The following ZPBP variants were observed in gnomAD, a reference collection of about 807,000 sequenced individuals.
ZPBP encodes the protein zona pellucida binding protein.
Under a neutral mutation model 44.8 loss-of-function variants are expected in ZPBP, and 26 were observed. That is an observed-to-expected ratio of 0.58 (90% CI 0.43 to 0.81). The LOEUF (loss-of-function observed/expected upper bound fraction) is 0.81. Among genes scored for constraint, ZPBP ranks in the 30% least tolerant of loss-of-function variants. ZPBP has a pLI of 0.00. For missense variants in ZPBP, 409 were observed against 434.0 expected (o/e 0.94, Z 0.51); for synonymous variants, 174 against 153.2 (o/e 1.14, Z -1.00).
Position 50,058,245 on chromosome 7 carries a change from A to G in ZPBP, c.335-104T>C, listed in dbSNP as rs1584138862. 4 of 1,237,280 alleles carry G rather than the reference A, an allele frequency of 3.2e-6. No homozygotes were observed. The East Asian group carries it at 7.1e-5, about 22-fold the overall frequency. 76.6% of individuals were successfully genotyped at this position (1,237,280 alleles called of 1,614,324 possible). A position where few individuals can be genotyped will look rare whatever the true frequency, so the allele number is the denominator to read the frequency against. ...CCATCATAATTTACCAACACAGTCA[A>G]TGAAAGGAGTGGGGGGCATAGCTAG... On this transcript the variant is annotated intron_variant, in intron 3 of 7. Transcript: ENST00000046087.
the ZPBP span, among the ~76,000 whole-genome samples, chr7:49,842,288 A>T: frequency 6.6e-6 from 1 of 152,210 alleles, no homozygotes; most frequent in African/African-American, 2.4e-5. Context: ...CTCATGAGAG[A>T]TGTTATCATT....
At chr7:49,867,132 C>T (rs568413517) in intron 2 of ZPBP, among the ~76,000 whole-genome samples, 2 of 152,258 alleles carry the variant, frequency 1.3e-5, no homozygotes, top group East Asian at 3.9e-4. Flanking sequence ...GGGAGCCTCT[C>T]GAGAGAACAA....
chr7:49,883,870 C>G (rs548916233), intron 2 of ZPBP, among the ~76,000 whole-genome samples: 1 of 152,280 alleles, frequency 6.6e-6, no homozygotes, highest in African/African-American at 2.4e-5. Context: ...ATAAAGAAAA[C>G]AAGTATTCAA....
At chr7:49,864,218 T>C (rs1790788476) in intron 2 of ZPBP, among the ~76,000 whole-genome samples, 1 of 152,190 alleles carries the variant, frequency 6.6e-6, no homozygotes, top group Non-Finnish European at 1.5e-5. Flanking sequence ...TCCAAAGGTT[T>C]CCTTGAATAT....
chr7:49,935,836 T>C (rs368605474), downstream of ZPBP: 7 of 152,258 alleles, frequency 4.6e-5, no homozygotes, highest in Non-Finnish European at 8.8e-5. Context: ...CCCACTCCTG[T>C]TGTTCATCTC....
At position 50,006,599 on chromosome 7, in the gene ZPBP, C is replaced by A. The variant is rs543516959; in HGVS notation, c.783+11641G>T. 6.1e-4 allele frequency among the ~76,000 whole-genome samples: 92 copies of A among 152,046 alleles called. 2 individuals are homozygous for A. In the South Asian group the frequency reaches 0.018, roughly 30 times the overall value. On this transcript the variant is annotated intron_variant, in intron 6 of 7. Coordinates refer to ENST00000046087, the MANE Select transcript of ZPBP (RefSeq NM_007009.3). ...GGAAACTTATAGCTATAAATGCTTA[C>A]ACAAGGAATAAACATTTCAAATCAA...
chr7:50,016,413 T>A (rs1226538194), intron 6 of ZPBP, among the ~76,000 whole-genome samples: 1 of 151,738 alleles, frequency 6.6e-6, no homozygotes, highest in Non-Finnish European at 1.5e-5. Flanking sequence ...TACTTGAGGG[T>A]GGAAGGTGAG....
At chr7:49,924,415 A>G (rs1053888952) in intron 1 of ZPBP, among the ~76,000 whole-genome samples, 27 of 152,332 alleles carry the variant, frequency 1.8e-4, no homozygotes, top group Middle Eastern at 3.4e-3. Flanking sequence ...TCTGAGCTAT[A>G]AAGTTTCATT....
intron 2 of ZPBP, among the ~76,000 whole-genome samples, chr7:49,861,474 T>G (rs575042135): frequency 6.6e-6 from 1 of 152,218 alleles, no homozygotes; most frequent in Non-Finnish European, 1.5e-5. Context: ...TATCCCATTA[T>G]GCAGGTGAGT....
At chr7:49,957,481 TG>T (rs1272835896) in intron 7 of ZPBP, among the ~76,000 whole-genome samples, 1 of 152,154 alleles carries the variant, frequency 6.6e-6, no homozygotes, top group African/African-American at 2.4e-5. Flanking sequence ...CCCTGCATTC[TG>T]GCACAGGGCT....
chr7:50,038,301 T>C (rs1799911350), intron 4 of ZPBP, among the ~76,000 whole-genome samples: 1 of 152,174 alleles, frequency 6.6e-6, no homozygotes, highest in Admixed American at 6.5e-5. Flanking sequence ...TGCGTGTAAG[T>C]GTAGACAAGC....
At chr7:49,867,251 G>A (rs1323500274) in intron 2 of ZPBP, among the ~76,000 whole-genome samples, 1 of 152,122 alleles carries the variant, frequency 6.6e-6, no homozygotes, top group Non-Finnish European at 1.5e-5. Flanking sequence ...ATATGATATT[G>A]ACCAAACTAT....
intron 6 of ZPBP, among the ~76,000 whole-genome samples, chr7:49,998,208 G>A (rs55997144): frequency 0.076 from 11,592 of 152,236 alleles, 627 homozygotes; most frequent in Non-Finnish European, 0.12. Flanking sequence ...GAACCACCAC[G>A]CCCAGCCTAA....
chr7:50,070,716 T>C (rs545856449), intron 3 of ZPBP, among the ~76,000 whole-genome samples: 4 of 152,310 alleles, frequency 2.6e-5, no homozygotes, highest in East Asian at 1.9e-4. Flanking sequence ...AGTTACCTTT[T>C]AAGCATTTTG....
At chr7:50,025,287 T>C (rs1799272731) in intron 5 of ZPBP, among the ~76,000 whole-genome samples, 1 of 151,842 alleles carries the variant, frequency 6.6e-6, no homozygotes, top group South Asian at 2.1e-4. Context: ...TACAAACTGA[T>C]TCTAAAATTT....
rs181153470 is a variant in ZPBP, at chr7:49,874,109, G to A, written n.510-23595C>T. Among the ~76,000 whole-genome samples the A allele has an allele frequency of 4.6e-5, 7 of 152,174 alleles. No homozygotes were observed. In the East Asian group the frequency reaches 1.2e-3, roughly 25 times the overall value. On this transcript the variant is annotated intron_variant and non_coding_transcript_variant, in intron 2 of 2. Transcript: ENST00000465922. ...GTAAGGACGGGACTGGAGTTGGTGGGCAAAGGATGCCCTTGCTCTATGTGT... is the reference window on the plus strand; with the variant it reads ...GTAAGGACGGGACTGGAGTTGGTGGACAAAGGATGCCCTTGCTCTATGTGT...
intron 3 of ZPBP, among the ~76,000 whole-genome samples, chr7:50,070,196 T>C (rs1016102532): frequency 2.6e-5 from 4 of 152,154 alleles, no homozygotes; most frequent in African/African-American, 9.7e-5. Flanking sequence ...CCAGATCCAG[T>C]GAACCACTTT....
At chr7:50,078,434 G>C (rs1380115404) in intron 3 of ZPBP, among the ~76,000 whole-genome samples, 1 of 151,026 alleles carries the variant, frequency 6.6e-6, no homozygotes, top group African/African-American at 2.4e-5. Flanking sequence ...AATGCTTTAG[G>C]GGATGGATAC....
At chr7:49,852,261 G>T (rs1050110973) in intron 2 of ZPBP, among the ~76,000 whole-genome samples, 1 of 152,198 alleles carries the variant, frequency 6.6e-6, no homozygotes, top group African/African-American at 2.4e-5. Context: ...TGACCCTGGA[G>T]CATCAGGGGG....
Sources: gnomAD v4.1 joint callset for allele counts (sites outside exome capture counted in the v4.1 genomes callset) on GRCh38, gnomAD v4.1.1 for gene constraint, MANE v1.5 for transcripts, NCBI Gene and HGNC (gene_info 2026-07-23, HGNC 2026-07-21) for gene names.